The following PLEKHO2 variants were observed in gnomAD, a reference collection of about 807,000 sequenced individuals.
PLEKHO2 encodes the protein pleckstrin homology domain-containing family O member 2.
In PLEKHO2, 20 loss-of-function variants were observed where a neutral mutation model predicts 32.7. The ratio of observed to expected loss-of-function variants is 0.61; its 90% CI spans 0.43 to 0.89. The LOEUF (loss-of-function observed/expected upper bound fraction) is 0.89. PLEKHO2 is among the 40% of genes least tolerant of loss of function. The pLI is 0.00. For synonymous variants in PLEKHO2, 247 were observed against 246.3 expected, an observed-to-expected ratio of 1.00 and a Z score of -0.03; for missense variants, 568 against 621.2, an observed-to-expected ratio of 0.91 and a Z score of 0.91.
intron 2 of PLEKHO2, among the ~76,000 whole-genome samples, chr15:64,852,934 G>A (rs1044404192): frequency 1.3e-5 from 2 of 151,912 alleles, no homozygotes; most frequent in Non-Finnish European, 2.9e-5. Flanking sequence ...GATCACTTGA[G>A]GTCAAGAGTT....
chr15:64,866,574 CTCAGTGAGCTA>C lies in PLEKHO2; in HGVS notation c.*688_*698del, dbSNP rs1240910615. 2.8e-6 allele frequency: 1 copy of C among 354,742 alleles called. No individual in the cohort carries two copies. Among genetic ancestry groups the C allele is most frequent in the Non-Finnish European group, 5.6e-6 (1 of 178,724 alleles). 22.0% of individuals were successfully genotyped at this position (354,742 alleles called of 1,614,324 possible). A position where few individuals can be genotyped will look rare whatever the true frequency, so the allele number is the denominator to read the frequency against. The stretch of plus-strand genomic sequence containing the variant: ...AGGACATTTTCTGCAGCCCCTTCCT[CTCAGTGAGCTA>C]TGATTGGAGGGCTTAGGTCTGGAGG... On this transcript the variant is annotated 3_prime_UTR_variant, in exon 6 of 6. Transcript: ENST00000323544.
intron 1 of PLEKHO2, among the ~76,000 whole-genome samples, chr15:64,845,958 G>C (rs2084518914): frequency 6.6e-6 from 1 of 152,180 alleles, no homozygotes; most frequent in African/African-American, 2.4e-5. Flanking sequence ...TCACTGCCTT[G>C]TTTAAGAGAA....
At chr15:64,842,972 T>C (rs1050864338) in intron 1 of PLEKHO2, among the ~76,000 whole-genome samples, 1 of 152,234 alleles carries the variant, frequency 6.6e-6, no homozygotes, top group Non-Finnish European at 1.5e-5. Flanking sequence ...GGGTCCCAGC[T>C]TCAGCCCCTC....
chr15:64,844,698 G>C (rs1488379050), intron 1 of PLEKHO2, among the ~76,000 whole-genome samples: 1 of 152,162 alleles, frequency 6.6e-6, no homozygotes, highest in Non-Finnish European at 1.5e-5. Context: ...GAGGGGGCAG[G>C]GGCTTTGATA....
At chr15:64,849,414 G>T (rs1027584916) in intron 2 of PLEKHO2, among the ~76,000 whole-genome samples, 1 of 150,786 alleles carries the variant, frequency 6.6e-6, no homozygotes, top group Non-Finnish European at 1.5e-5. Context: ...CCAAAGTGCT[G>T]GGATTATAGG....
chr15:64,862,606 G>A (rs538881177), intron 5 of PLEKHO2, among the ~76,000 whole-genome samples: 1 of 152,210 alleles, frequency 6.6e-6, no homozygotes, highest in Non-Finnish European at 1.5e-5. Flanking sequence ...GGACTGGAGG[G>A]AGGTCAGCTA....
chr15:64,865,112 C>T lies in PLEKHO2; in HGVS notation c.697C>T (p.Pro233Ser), dbSNP rs1416796939. 1 of 1,614,112 alleles carries T rather than the reference C, an allele frequency of 6.2e-7. No homozygotes were observed. The highest frequency in any genetic ancestry group is 2.2e-5 in the East Asian group (1 of 44,868). Residue 233 changes from proline (P) to serine (S), a missense_variant, in exon 6 of 6, where the codon CCT becomes TCT. Transcript: ENST00000323544. ...ETPVGERAPT[P>S]VSASSEVSPE... ...CCCTGTGGGGGAGAGAGCCCCAACCCCTGTCTCAGCAAGCTCTGAGGTCTC... is the reference window on the plus strand; with the variant it reads ...CCCTGTGGGGGAGAGAGCCCCAACCTCTGTCTCAGCAAGCTCTGAGGTCTC...
chr15:64,843,434 C>G (rs896089231), intron 1 of PLEKHO2, among the ~76,000 whole-genome samples: 2 of 152,176 alleles, frequency 1.3e-5, no homozygotes, highest in Admixed American at 6.5e-5. Flanking sequence ...AGGGCCCCTC[C>G]CCTGCTCCCA....
intron 2 of PLEKHO2, among the ~76,000 whole-genome samples, chr15:64,852,022 G>C (rs1436587479): frequency 6.6e-6 from 1 of 152,060 alleles, no homozygotes; most frequent in Admixed American, 6.6e-5. Flanking sequence ...CTGCTTGTAG[G>C]GTGCAGTTGG....
chr15:64,865,508 C>A lies in PLEKHO2; in HGVS notation c.1093C>A (p.Pro365Thr), dbSNP rs1327685257. The change falls in exon 6 of 6, where the codon CCT becomes ACT. Residue 365 changes from proline to threonine, a missense_variant. Transcript: ENST00000323544. ...TCAGGCTGAGGGCACCCCAGGAACT[C>A]CTCCAAAGGATGCAACAACATCCAC... ...PSQAEGTPGT[P>T]PKDATTSTAL... 4 of 1,614,066 alleles carry A rather than the reference C, an allele frequency of 2.5e-6. No homozygotes were observed. Among genetic ancestry groups the A allele is most frequent in the Non-Finnish European group, 3.4e-6 (4 of 1,180,028 alleles).
chr15:64,854,822 G>A (rs970896685), intron 2 of PLEKHO2, 99 bp from the exon 3 acceptor site: 2 of 905,780 alleles, frequency 2.2e-6, no homozygotes, highest in African/African-American at 3.2e-5. Flanking sequence ...ACCAAGTGAT[G>A]TCCTCGCTGA....
intron 5 of PLEKHO2, among the ~76,000 whole-genome samples, chr15:64,864,129 G>C (rs901850515): frequency 1.3e-5 from 2 of 152,188 alleles, no homozygotes; most frequent in Non-Finnish European, 2.9e-5. Context: ...CTTGGGAAAG[G>C]CCTCCTGCCC....
At chr15:64,846,514 A>T (rs2084523624) in intron 1 of PLEKHO2, among the ~76,000 whole-genome samples, 2 of 152,084 alleles carry the variant, frequency 1.3e-5, no homozygotes, top group African/African-American at 4.8e-5. Context: ...GGGTTTCCCC[A>T]TGTTGGCCAG....
In PLEKHO2 at chr15:64,854,861, T is replaced by C. The variant is rs141058834; in HGVS notation, c.163-60T>C. The C allele has an allele frequency of 1.8e-4, 238 of 1,310,860 alleles. 1 individual carries two copies. The African/African-American group carries it at 3.2e-3, about 18-fold the overall frequency. The allele number at this position is 1,310,860 out of a possible 1,614,324, so 81.2% of individuals were successfully genotyped here. ...GGATCAGGGTCTGGGACATGAGTAG[T>C]TGAGGGTGGTGGTGGGTCTGACTGT... On this transcript the variant is annotated intron_variant, in intron 2 of 5. Coordinates refer to ENST00000323544, the MANE Select transcript of PLEKHO2 (RefSeq NM_025201.5).
At chr15:64,850,888 G>C (rs1355897466) in intron 2 of PLEKHO2, among the ~76,000 whole-genome samples, 58 of 152,262 alleles carry the variant, frequency 3.8e-4, no homozygotes. Flanking sequence ...AAACAGGGTA[G>C]CAATATATGC....
At chr15:64,855,594 T>G (rs966973331) in intron 3 of PLEKHO2, among the ~76,000 whole-genome samples, 1 of 152,194 alleles carries the variant, frequency 6.6e-6, no homozygotes, top group Admixed American at 6.5e-5. Context: ...GGTCCCTGGC[T>G]TGAGAGAGTC....
Position 64,859,883 on chromosome 15 carries a change from C to G in PLEKHO2, c.280-11C>G, listed in dbSNP as rs376675763. 4 of 1,610,190 alleles carry G rather than the reference C, an allele frequency of 2.5e-6. No individual in the cohort carries two copies. The African/African-American group carries it at 4.0e-5, about 16-fold the overall frequency. On this transcript the variant is annotated splice_polypyrimidine_tract_variant and intron_variant, in intron 3 of 5. Transcript: ENST00000323544. ...AACATCTGCCATCTACTCCATCCAT[C>G]TTGCCCACAGGTCAGCGACATCAAA...
chr15:64,857,410 G>A (rs1254602721), intron 3 of PLEKHO2, among the ~76,000 whole-genome samples: 1 of 152,100 alleles, frequency 6.6e-6, no homozygotes, highest in Non-Finnish European at 1.5e-5. Context: ...ATCTCAGCTT[G>A]CTGCAACTTC....
In PLEKHO2 at chr15:64,865,526, A is replaced by G. The variant is rs1234601122; in HGVS notation, c.1111A>G (p.Thr371Ala). The G allele has an allele frequency of 8.1e-6, 13 of 1,614,098 alleles. No individual in the cohort carries two copies. The South Asian group carries it at 1.4e-4, about 18-fold the overall frequency. The change falls in exon 6 of 6, where the codon ACA (threonine) becomes GCA (alanine). Residue 371 changes from threonine (T) to alanine (A), a missense_variant. By Grantham distance (58) the Thr-to-Ala change is moderately conservative (BLOSUM62 0). Coordinates refer to ENST00000323544, the MANE Select transcript of PLEKHO2 (RefSeq NM_025201.5). ...AGGAACTCCTCCAAAGGATGCAACA[A>G]CATCCACAGCACTGCCCCCCTGGGA... ...TPGTPPKDAT[T>A]STALPPWDLP...
Sources: gnomAD v4.1 joint callset for allele counts (sites outside exome capture counted in the v4.1 genomes callset) on GRCh38, gnomAD v4.1.1 for gene constraint, MANE v1.5 for transcripts, NCBI Gene and HGNC (gene_info 2026-07-23, HGNC 2026-07-21) for gene names.